BTAF1: variants seen among roughly 807,000 people sequenced by gnomAD.
BTAF1 encodes the protein TATA-binding protein-associated factor 172.
BTAF1 carries 38 observed loss-of-function variants against 227.1 expected under a neutral mutation model. The ratio of observed to expected loss-of-function variants is 0.17; its 90% CI spans 0.13 to 0.22. The LOEUF is 0.22. Among genes scored for constraint, BTAF1 ranks in the 10% least tolerant of loss-of-function variants. BTAF1 has a pLI of 1.00. For synonymous variants in BTAF1, 742 were observed against 751.9 expected, an observed-to-expected ratio of 0.99 and a Z score of 0.21; for missense variants, 1,598 against 2,204.0, an observed-to-expected ratio of 0.73 and a Z score of 5.51.
In BTAF1 at chr10:91,961,648, A is replaced by G. The variant is rs1302452481; in HGVS notation, c.1264-890A>G. On this transcript the variant is annotated intron_variant, in intron 11 of 37. Coordinates refer to ENST00000265990, the MANE Select transcript of BTAF1 (RefSeq NM_003972.3). Reference sequence around the variant, plus strand: ...CCTTTTTTTCTGTGTTCTGCACTCTAGCCTCTGTAGATAACAGTAGACTTA... The same window carrying G: ...CCTTTTTTTCTGTGTTCTGCACTCTGGCCTCTGTAGATAACAGTAGACTTA... Among the ~76,000 whole-genome samples the G allele has an allele frequency of 2.0e-5, 3 of 152,038 alleles. No homozygotes were observed. The East Asian group carries it at 5.8e-4, about 29-fold the overall frequency.
At chr10:92,023,627 TG>T (rs1191583275) in intron 34 of BTAF1, among the ~76,000 whole-genome samples, 1 of 152,138 alleles carries the variant, frequency 6.6e-6, no homozygotes, top group Non-Finnish European at 1.5e-5. Flanking sequence ...GAGGTTGCAG[TG>T]AGCCAAGATC....
At chr10:91,945,521 T>G (rs1845308169) in intron 4 of BTAF1, among the ~76,000 whole-genome samples, 1 of 152,212 alleles carries the variant, frequency 6.6e-6, no homozygotes, top group African/African-American at 2.4e-5. Flanking sequence ...AGATGCCTCA[T>G]GTAAGTGAAT....
chr10:92,028,089 A>T (rs1384685235), intron 37 of BTAF1, among the ~76,000 whole-genome samples: 1 of 152,206 alleles, frequency 6.6e-6, no homozygotes, highest in African/African-American at 2.4e-5. Flanking sequence ...AGGTTCTTCA[A>T]TCATGTCATA....
rs1315498529 is a variant in BTAF1 at position 91,932,139 on chromosome 10, C to G, written c.15-3518C>G. ...ATCAGCAATTAGGTTAGAGAGGAGT[C>G]TAAGGTCTTTGGGCAGGAGTTCTAA... On this transcript the variant is annotated intron_variant, in intron 1 of 37. Coordinates refer to ENST00000265990, the MANE Select transcript of BTAF1 (RefSeq NM_003972.3). Among the ~76,000 whole-genome samples the G allele has an allele frequency of 2.6e-5, 4 of 152,068 alleles. No homozygotes were observed. The East Asian group carries it at 7.7e-4, about 29-fold the overall frequency.
At chr10:92,011,223 A>G (rs1850271968) in intron 29 of BTAF1, 63 bp from the exon 30 acceptor site, 2 of 1,515,088 alleles carry the variant, frequency 1.3e-6, no homozygotes, top group Admixed American at 4.4e-5. Flanking sequence ...CACTTTAAAG[A>G]TTCTTCATAT....
intron 1 of BTAF1, among the ~76,000 whole-genome samples, chr10:91,926,921 C>T (rs1449535722): frequency 6.6e-6 from 1 of 152,166 alleles, no homozygotes; most frequent in Admixed American, 6.5e-5. Flanking sequence ...CATTCTCAAA[C>T]AAACATATCT....
intron 35 of BTAF1, among the ~76,000 whole-genome samples, chr10:92,025,810 C>CAAAAA (rs71025383): frequency 3.0e-4 from 26 of 86,796 alleles, no homozygotes; most frequent in South Asian, 4.3e-4. Context: ...GACTCTGTCT[C>CAAAAA]AAAAAAAAAA....
chr10:91,948,182 C>T (rs1307196984), intron 4 of BTAF1, among the ~76,000 whole-genome samples: 12 of 146,384 alleles, frequency 8.2e-5, no homozygotes, highest in African/African-American at 2.5e-4. Context: ...CGACAGGCCC[C>T]GGTGTGCGAC....
intron 1 of BTAF1, among the ~76,000 whole-genome samples, chr10:91,926,166 C>T (rs1843813783): frequency 6.6e-6 from 1 of 152,214 alleles, no homozygotes; most frequent in East Asian, 1.9e-4. Flanking sequence ...GCTAACTAAA[C>T]TTCCTTTCTC....
chr10:91,952,476 T>C (rs1239481132), intron 5 of BTAF1, among the ~76,000 whole-genome samples: 2 of 152,156 alleles, frequency 1.3e-5, no homozygotes, highest in African/African-American at 4.8e-5. Context: ...TCAGTACTCT[T>C]TTACCTGACC....
intron 14 of BTAF1, among the ~76,000 whole-genome samples, chr10:91,972,341 T>C (rs1381859467): frequency 6.6e-6 from 1 of 152,178 alleles, no homozygotes; most frequent in African/African-American, 2.4e-5. Context: ...AAAGTATCTT[T>C]GGACATGGCT....
intron 19 of BTAF1, among the ~76,000 whole-genome samples, chr10:91,986,705 T>C (rs1432863571): frequency 6.6e-6 from 1 of 152,210 alleles, no homozygotes; most frequent in Non-Finnish European, 1.5e-5. Context: ...GCCTACTATT[T>C]CTGGGAACTT....
At chr10:91,990,832 G>A (rs1418509090) in intron 20 of BTAF1, among the ~76,000 whole-genome samples, 1 of 151,600 alleles carries the variant, frequency 6.6e-6, no homozygotes, top group Non-Finnish European at 1.5e-5. Context: ...CCAGGGACCA[G>A]GCAGTGGCTC....
intron 34 of BTAF1, 139 bp from the exon 35 acceptor site, chr10:92,024,617 T>C (rs1293728944): frequency 2.9e-6 from 2 of 698,630 alleles, no homozygotes; most frequent in African/African-American, 1.8e-5. Context: ...GGTGACAGAT[T>C]GCAGCCCAAA....
At chr10:91,949,507 T>C (rs1356175533) in intron 4 of BTAF1, among the ~76,000 whole-genome samples, 3 of 152,168 alleles carry the variant, frequency 2.0e-5, no homozygotes, top group Admixed American at 2.0e-4. Context: ...CTTCCAAAGA[T>C]TGTTTTGCTT....
intron 25 of BTAF1, among the ~76,000 whole-genome samples, chr10:92,007,834 AT>A (rs1850033043): frequency 6.6e-6 from 1 of 152,280 alleles, no homozygotes; most frequent in African/African-American, 2.4e-5. Flanking sequence ...CAGTAATGGC[AT>A]TTAATTCAAA....
In BTAF1 at chr10:91,966,680, T is replaced by A; in HGVS notation, c.1573T>A (p.Phe525Ile). 1.2e-6 allele frequency: 2 copies of A among 1,614,016 alleles called. No homozygotes were observed. The highest frequency in any genetic ancestry group is 1.7e-6 in the Non-Finnish European group (2 of 1,179,924). The change falls in exon 14 of 38, where the codon TTT becomes ATT. Residue 525 changes from phenylalanine to isoleucine, a missense_variant. Physicochemically the swap from Phe to Ile is conservative, Grantham distance 21. Coordinates refer to ENST00000265990, the MANE Select transcript of BTAF1 (RefSeq NM_003972.3). ...LTVLVPRVWP[F>I]LHHTISSVRR... is the part of the protein sequence containing the mutation. Reference sequence around the variant, plus strand: ...AGTTTTAGTTCCACGTGTCTGGCCTTTTTTGCATCACACTATATCATCAGT... The same window carrying A: ...AGTTTTAGTTCCACGTGTCTGGCCTATTTTGCATCACACTATATCATCAGT...
At position 91,966,355 on chromosome 10, in the gene BTAF1, A is replaced by T. The variant is rs552806311; in HGVS notation, c.1530-282A>T. The stretch of plus-strand genomic sequence containing the variant: ...TTACATTGGAAAGTCCTAACTTGAT[A>T]AAGGTGACTCATAGCATTAGTGCCA... On this transcript the variant is annotated intron_variant, in intron 13 of 37. Coordinates refer to ENST00000265990, the MANE Select transcript of BTAF1 (RefSeq NM_003972.3). Among the ~76,000 whole-genome samples, 340 of 152,330 alleles carry T rather than the reference A, an allele frequency of 2.2e-3. 4 individuals carry two copies. Among genetic ancestry groups the T allele is most frequent in the African/African-American group, 7.6e-3 (314 of 41,576 alleles).
At chr10:91,966,076 A>G (rs1846889679) in intron 13 of BTAF1, among the ~76,000 whole-genome samples, 1 of 152,216 alleles carries the variant, frequency 6.6e-6, no homozygotes, top group Admixed American at 6.5e-5. Flanking sequence ...TCCCCATTTA[A>G]AACTTAATCT....
Sources: allele counts gnomAD v4.1 joint callset (sites outside exome capture counted in the v4.1 genomes callset), GRCh38; gene constraint gnomAD v4.1.1; transcripts MANE v1.5; gene names NCBI Gene and HGNC (gene_info 2026-07-23, HGNC 2026-07-21).